POLR2B: variants seen among roughly 807,000 people sequenced by gnomAD.
The protein encoded by POLR2B is DNA-directed RNA polymerase II subunit RPB2.
A neutral mutation model predicts 144.6 loss-of-function variants in POLR2B; 57 were observed. The ratio of observed to expected loss-of-function variants is 0.39; its 90% CI spans 0.32 to 0.49. The LOEUF (loss-of-function observed/expected upper bound fraction) is 0.49, where lower values mean the gene tolerates loss of function less well. Ranked by LOEUF, POLR2B falls within the 20% of genes least tolerant of loss-of-function variation. POLR2B has a pLI of 0.83. For missense variants in POLR2B, 595 were observed against 1,467.4 expected (o/e 0.41, Z 9.71); for synonymous variants, 442 against 469.8 (o/e 0.94, Z 0.77).
intron 16 of POLR2B, among the ~76,000 whole-genome samples, chr4:57,020,336 T>C (rs1368635165): frequency 1.3e-5 from 2 of 152,148 alleles, no homozygotes; most frequent in Non-Finnish European, 2.9e-5. Context: ...CCGACCTAAA[T>C]ATCAAGTTAT....
chr4:56,996,262 G>GTGTATACA lies in POLR2B; in HGVS notation c.735+854_735+855insGTATACAT, dbSNP rs1553910008. On this transcript the variant is annotated intron_variant, in intron 6 of 24. Coordinates refer to ENST00000314595, the MANE Select transcript of POLR2B (RefSeq NM_000938.3). Reference sequence around the variant, plus strand: ...TGTATGTATATGTGTGTGTGTGTGTGTATATATATATATATATTTTTTTTT... The same window carrying GTGTATACA: ...TGTATGTATATGTGTGTGTGTGTGTGTGTATACATATATATATATATATATTTTTTTTT... 6.4e-3 allele frequency among the ~76,000 whole-genome samples: 571 copies of GTGTATACA among 88,680 alleles called. 25 individuals are homozygous for GTGTATACA. The highest frequency in any genetic ancestry group is 0.026 in the African/African-American group (549 of 20,804). The allele number at this position is 88,680 out of a possible 152,430, so 58.2% of individuals were successfully genotyped here.
At chr4:56,985,380 C>T (rs547326665) in intron 1 of POLR2B, 17 of 985,208 alleles carry the variant, frequency 1.7e-5, no homozygotes, top group Middle Eastern at 5.2e-4. Flanking sequence ...GAGGGACGGG[C>T]GGCGGGCTCG....
At chr4:56,991,101 G>A (rs970473717) in intron 3 of POLR2B, among the ~76,000 whole-genome samples, 1 of 152,130 alleles carries the variant, frequency 6.6e-6, no homozygotes, top group African/African-American at 2.4e-5. Flanking sequence ...TATTCACATA[G>A]TAGGTATTGA....
intron 1 of POLR2B, among the ~76,000 whole-genome samples, chr4:56,981,136 TA>T (rs1722145430): frequency 6.6e-6 from 1 of 152,150 alleles, no homozygotes; most frequent in African/African-American, 2.4e-5. Flanking sequence ...TAAGCAAATA[TA>T]AATGGGATTT....
chr4:57,016,520 C>CA lies in POLR2B; in HGVS notation c.1956-512dup, dbSNP rs544528388. Among the ~76,000 whole-genome samples the CA allele has an allele frequency of 1.4e-3, 187 of 135,246 alleles. 1 individual carries two copies. Among genetic ancestry groups the CA allele is most frequent in the South Asian group, 0.011 (49 of 4,324 alleles). 88.7% of individuals were successfully genotyped at this position (135,246 alleles called of 152,430 possible). A position where few individuals can be genotyped will look rare whatever the true frequency, so the allele number is the denominator to read the frequency against. ...TGGGCAACAGAGCAAGACCCTGTCT[C>CA]AAAAAAAAAAAGTTTTTGTGATATA... On this transcript the variant is annotated intron_variant, in intron 14 of 24. Coordinates refer to ENST00000314595, the MANE Select transcript of POLR2B (RefSeq NM_000938.3).
chr4:57,019,454 C>G (rs1282136560), intron 16 of POLR2B, among the ~76,000 whole-genome samples: 1 of 152,044 alleles, frequency 6.6e-6, no homozygotes, highest in Non-Finnish European at 1.5e-5. Context: ...ATTTTCCCAC[C>G]TCAGCCTCCC....
intron 7 of POLR2B, chr4:57,002,880 C>T (rs1380426752): frequency 6.6e-6 from 1 of 151,760 alleles, no homozygotes; most frequent in African/African-American, 2.4e-5. Flanking sequence ...CATAGGAAAT[C>T]AAGGGCAAGA....
At chr4:57,028,845 A>G (rs1723806642) in intron 23 of POLR2B, among the ~76,000 whole-genome samples, 1 of 152,232 alleles carries the variant, frequency 6.6e-6, no homozygotes, top group African/African-American at 2.4e-5. Flanking sequence ...TTCCCTGATT[A>G]TCACATAAGT....
chr4:57,010,765 T>C lies in POLR2B; in HGVS notation c.1566T>C (p.Leu522=). Residue 522 remains leucine (L), a synonymous_variant, in exon 12 of 25, where the codon CTT becomes CTC. Transcript: ENST00000314595. ...TTTTTTAGGGCCATGCTGTAGGACT[T>C]GTGAAGAATTTAGCCTTGATGGCGT... is the stretch of plus-strand genomic sequence containing the variant. ...AETPEGHAVG[L]VKNLALMAYI... The C allele has an allele frequency of 2.5e-6, 4 of 1,606,294 alleles. No individual in the cohort carries two copies.
Position 57,023,808 on chromosome 4 carries a change from T to C in POLR2B, c.2856+57T>C. The stretch of plus-strand genomic sequence containing the variant: ...CCAGTTTTGTTAAATATTTTTTTTT[T>C]AATCAAAATTTGCTTTAACTTAAGA... On this transcript the variant is annotated intron_variant, in intron 20 of 24. Transcript: ENST00000314595. This position sits in a 1 kb window ranked among gnomAD's most constrained non-coding sequence, Gnocchi z 4.3. 1 of 1,228,788 alleles carries C rather than the reference T, an allele frequency of 8.1e-7. No individual in the cohort carries two copies. Among genetic ancestry groups the C allele is most frequent in the African/African-American group, 1.5e-5 (1 of 65,808 alleles). 76.1% of individuals were successfully genotyped at this position (1,228,788 alleles called of 1,614,324 possible).
At chr4:57,030,502 C>A in intron 24 of POLR2B, 103 bp downstream of exon 24, 1 of 750,066 alleles carries the variant, frequency 1.3e-6, no homozygotes, top group Non-Finnish European at 2.1e-6. Flanking sequence ...GGCATTTTCA[C>A]AATTTTGATA....
At chr4:56,993,389 C>T (rs1722582667) in intron 3 of POLR2B, among the ~76,000 whole-genome samples, 1 of 152,132 alleles carries the variant, frequency 6.6e-6, no homozygotes, top group Admixed American at 6.5e-5. Flanking sequence ...ATAATAATGA[C>T]CTAGACTAGA....
chr4:57,004,189 G>T (rs1159748944), intron 7 of POLR2B, among the ~76,000 whole-genome samples: 1 of 151,678 alleles, frequency 6.6e-6, no homozygotes. Context: ...ACCATGCCCG[G>T]CTAATTTTTG....
chr4:57,012,987 C>G (rs1224198422), intron 13 of POLR2B, among the ~76,000 whole-genome samples: 2 of 152,070 alleles, frequency 1.3e-5, no homozygotes, highest in East Asian at 3.9e-4. Context: ...ATTACAGGTG[C>G]CTGCCACCAT....
chr4:57,011,444 CTTGA>C (rs901778092), intron 13 of POLR2B, among the ~76,000 whole-genome samples: 2 of 152,186 alleles, frequency 1.3e-5, no homozygotes, highest in Non-Finnish European at 2.9e-5. Flanking sequence ...AGGAGAATCA[CTTGA>C]ACCCGGGAGG....
chr4:56,985,747 CAG>C (rs1486883072), intron 1 of POLR2B, among the ~76,000 whole-genome samples: 3 of 152,160 alleles, frequency 2.0e-5, no homozygotes, highest in Non-Finnish European at 4.4e-5. Flanking sequence ...GCAAACATGA[CAG>C]AAACTTCATT....
chr4:56,983,149 G>A (rs529422778), intron 1 of POLR2B, among the ~76,000 whole-genome samples: 1 of 152,184 alleles, frequency 6.6e-6, no homozygotes, highest in Admixed American at 6.5e-5. Context: ...ATATCTCTTG[G>A]TAAAGGCCAA....
chr4:57,012,984 G>T (rs764840919), intron 13 of POLR2B, among the ~76,000 whole-genome samples: 1 of 152,070 alleles, frequency 6.6e-6, no homozygotes, highest in Non-Finnish European at 1.5e-5. Context: ...GGGATTACAG[G>T]TGCCTGCCAC....
chr4:57,007,635 AT>A (rs1723063836), intron 10 of POLR2B, among the ~76,000 whole-genome samples: 1 of 152,212 alleles, frequency 6.6e-6, no homozygotes, highest in African/African-American at 2.4e-5. Context: ...AGAGATAAAA[AT>A]GGTCATCGCC....
Sources: gnomAD v4.1 joint callset for allele counts (sites outside exome capture counted in the v4.1 genomes callset) on GRCh38, gnomAD v4.1.1 for gene constraint, Gnocchi (gnomAD v3.1) non-coding constraint, MANE v1.5 for transcripts, NCBI Gene and HGNC (gene_info 2026-07-23, HGNC 2026-07-21) for gene names.